Variants in OR4N2 observed in about 807,000 individuals in gnomAD.
OR4N2 encodes the protein olfactory receptor 4N2.
For synonymous variants in OR4N2, 141 were observed against 140.4 expected (o/e 1.00, Z -0.03); for missense variants, 307 against 377.6 (o/e 0.81, Z 1.55).
chr14:19,820,248 T>C (rs1182671254), intron 1 of OR4N2, among the ~76,000 whole-genome samples: 12 of 152,368 alleles, frequency 7.9e-5, no homozygotes, highest in South Asian at 6.2e-4. Flanking sequence ...CCTGGATTCA[T>C]TGATTTTTTG....
intron 1 of OR4N2, among the ~76,000 whole-genome samples, chr14:19,812,953 A>G (rs1438425402): frequency 3.9e-5 from 6 of 152,252 alleles, no homozygotes; most frequent in African/African-American, 1.4e-4. Flanking sequence ...TACCAGTAAT[A>G]CTTTTCATTG....
At chr14:19,818,570 G>A (rs1488900907) in intron 1 of OR4N2, among the ~76,000 whole-genome samples, 1 of 152,110 alleles carries the variant, frequency 6.6e-6, no homozygotes, top group Non-Finnish European at 1.5e-5. Context: ...TTGAGCCTAT[G>A]TGTGTCTTTG....
chr14:19,806,237 A>T (rs1253030208), intron 1 of OR4N2, among the ~76,000 whole-genome samples: 3 of 152,176 alleles, frequency 2.0e-5, no homozygotes. Context: ...ATTAATCTTA[A>T]ATGTAAGTTA....
At chr14:19,809,112 T>A (rs1340684458) in intron 1 of OR4N2, among the ~76,000 whole-genome samples, 3 of 151,964 alleles carry the variant, frequency 2.0e-5, no homozygotes, top group Non-Finnish European at 4.4e-5. Context: ...CAGGTCTCTC[T>A]ATTCAATAAA....
At chr14:19,811,632 C>T (rs1389657243) in intron 1 of OR4N2, among the ~76,000 whole-genome samples, 32 of 152,240 alleles carry the variant, frequency 2.1e-4, no homozygotes, top group South Asian at 8.3e-4. Flanking sequence ...ATCCCAAAAA[C>T]GATAGTTGGC....
chr14:19,816,173 G>T (rs1322467875), intron 1 of OR4N2, among the ~76,000 whole-genome samples: 1 of 143,464 alleles, frequency 7.0e-6, no homozygotes, highest in Non-Finnish European at 1.6e-5. Flanking sequence ...GATTGTCTTG[G>T]CTATACAGGC....
chr14:19,811,717 A>G (rs1879301569), intron 1 of OR4N2, among the ~76,000 whole-genome samples: 1 of 152,284 alleles, frequency 6.6e-6, no homozygotes, highest in African/African-American at 2.4e-5. Context: ...GATCTCGCCA[A>G]GAGGCAGAAA....
At chr14:19,810,462 A>G (rs1381592853) in intron 1 of OR4N2, among the ~76,000 whole-genome samples, 3 of 152,292 alleles carry the variant, frequency 2.0e-5, no homozygotes, top group Non-Finnish European at 4.4e-5. Context: ...GGGAATTATC[A>G]TTTAACCTAG....
In OR4N2 at chr14:19,827,869, T is replaced by A; in HGVS notation, c.421T>A (p.Cys141Ser). The A allele has an allele frequency of 1.2e-6, 2 of 1,614,264 alleles. No homozygotes were observed. Among genetic ancestry groups the A allele is most frequent in the South Asian group, 1.1e-5 (1 of 91,086 alleles). The change falls in exon 2 of 2, where the codon TGC (cysteine) becomes AGC (serine). Residue 141 changes from cysteine to serine, a missense_variant. Physicochemically the swap from Cys to Ser is moderately radical, Grantham distance 112. Transcript: ENST00000557677. ...TCCTACTGTCATGAACCCTAGAACCTGCTATGCAATGATGTTGGCTCTGTG... is the reference window on the plus strand; with the variant it reads ...TCCTACTGTCATGAACCCTAGAACCAGCTATGCAATGATGTTGGCTCTGTG... ...HYPTVMNPRT[C>S]YAMMLALWLG...
chr14:19,812,572 A>C (rs2138466564), intron 1 of OR4N2, among the ~76,000 whole-genome samples: 1 of 152,192 alleles, frequency 6.6e-6, no homozygotes, highest in African/African-American at 2.4e-5. Context: ...GTTAGCCAGA[A>C]TGGTCTCGGT....
chr14:19,816,471 G>A (rs1330641158), intron 1 of OR4N2, among the ~76,000 whole-genome samples: 5 of 152,186 alleles, frequency 3.3e-5, no homozygotes, highest in Non-Finnish European at 7.3e-5. Flanking sequence ...TTGTGAATGG[G>A]AGTTAACTCA....
At chr14:19,820,542 C>A (rs1429910181) in intron 1 of OR4N2, among the ~76,000 whole-genome samples, 16 of 152,366 alleles carry the variant, frequency 1.1e-4, no homozygotes, top group African/African-American at 2.9e-4. Flanking sequence ...CGCCCTTCCC[C>A]CCAGGTGCTC....
At chr14:19,807,715 C>T (rs1301893418) in intron 1 of OR4N2, among the ~76,000 whole-genome samples, 4 of 152,120 alleles carry the variant, frequency 2.6e-5, no homozygotes, top group East Asian at 3.8e-4. Context: ...GGAGGAGGAG[C>T]TCCTCCCTAA....
chr14:19,814,153 A>G (rs1015630072), intron 1 of OR4N2, among the ~76,000 whole-genome samples: 1 of 152,148 alleles, frequency 6.6e-6, no homozygotes, highest in African/African-American at 2.4e-5. Flanking sequence ...ATTTTAAAAT[A>G]GAATTAATAA....
Position 19,830,008 on chromosome 14 carries a change from A to C in OR4N2, c.*1636A>C, listed in dbSNP as rs1311290403. On this transcript the variant is annotated 3_prime_UTR_variant, in exon 2 of 2. Coordinates refer to ENST00000557677, the MANE Select transcript of OR4N2 (RefSeq NM_001004723.3). Reference sequence around the variant, plus strand: ...CTGCATCTGTGATTAAGTTTCCTTTAACTTCTCCTGAGACTGAGTGACCTG... The same window carrying C: ...CTGCATCTGTGATTAAGTTTCCTTTCACTTCTCCTGAGACTGAGTGACCTG... The C allele has an allele frequency of 6.6e-6, 1 of 152,484 alleles. No individual in the cohort carries two copies. The highest frequency in any genetic ancestry group is 2.4e-5 in the African/African-American group (1 of 41,556). The allele number at this position is 152,484 out of a possible 1,614,324, so 9.4% of individuals were successfully genotyped here. A position where few individuals can be genotyped will look rare whatever the true frequency, so the allele number is the denominator to read the frequency against.
chr14:19,828,530 C>T lies in OR4N2; in HGVS notation c.*158C>T. ...AATTACTGAGGCAGATAAGGTCCATCTGCTCTCCAAGAGATACAACCTAGT... is the reference window on the plus strand; with the variant it reads ...AATTACTGAGGCAGATAAGGTCCATTTGCTCTCCAAGAGATACAACCTAGT... On this transcript the variant is annotated 3_prime_UTR_variant, in exon 2 of 2. Coordinates refer to ENST00000557677, the MANE Select transcript of OR4N2 (RefSeq NM_001004723.3). 1.3e-6 allele frequency: 1 copy of T among 751,806 alleles called. No individual in the cohort carries two copies. The highest frequency in any genetic ancestry group is 2.1e-6 in the Non-Finnish European group (1 of 477,742). 46.6% of individuals were successfully genotyped at this position (751,806 alleles called of 1,614,324 possible). A position where few individuals can be genotyped will look rare whatever the true frequency, so the allele number is the denominator to read the frequency against.
intron 1 of OR4N2, among the ~76,000 whole-genome samples, chr14:19,815,156 G>C (rs1879393293): frequency 1.3e-5 from 2 of 152,222 alleles, no homozygotes; most frequent in South Asian, 2.1e-4. Context: ...CTTTATAGTA[G>C]AATGATTTAT....
intron 1 of OR4N2, among the ~76,000 whole-genome samples, chr14:19,809,086 C>G (rs927755608): frequency 6.6e-6 from 1 of 152,052 alleles, no homozygotes; most frequent in Non-Finnish European, 1.5e-5. Context: ...TAAGAACATT[C>G]AACCAAGCTA....
At chr14:19,810,412 T>C (rs1209762420) in intron 1 of OR4N2, among the ~76,000 whole-genome samples, 2 of 152,208 alleles carry the variant, frequency 1.3e-5, no homozygotes, top group Non-Finnish European at 2.9e-5. Flanking sequence ...AGTTCAGCCA[T>C]TGTGGAAAGC....
Sources: gnomAD v4.1 joint callset for allele counts (sites outside exome capture counted in the v4.1 genomes callset) on GRCh38, gnomAD v4.1.1 for gene constraint, MANE v1.5 for transcripts, NCBI Gene and HGNC (gene_info 2026-07-23, HGNC 2026-07-21) for gene names.